Variants in DPYSL2 observed in about 807,000 individuals in gnomAD.
DPYSL2 encodes dihydropyrimidinase like 2.
DPYSL2 carries 13 observed loss-of-function variants against 69.9 expected under a neutral mutation model. That is an observed-to-expected ratio of 0.19 (90% CI 0.12 to 0.30). The LOEUF (loss-of-function observed/expected upper bound fraction) is 0.30. Among genes scored for constraint, DPYSL2 ranks in the 10% least tolerant of loss-of-function variants. The pLI, the probability that DPYSL2 is intolerant of heterozygous loss-of-function variation, is 1.00. For synonymous variants in DPYSL2, 326 were observed against 359.1 expected, an observed-to-expected ratio of 0.91 and a Z score of 1.04; for missense variants, 587 against 918.9, an observed-to-expected ratio of 0.64 and a Z score of 4.67.
chr8:26,631,513 G>A (rs892395714), intron 7 of DPYSL2, among the ~76,000 whole-genome samples: 10 of 152,198 alleles, frequency 6.6e-5, no homozygotes, highest in African/African-American at 2.2e-4. Flanking sequence ...TGAGATTTGG[G>A]TGGGGACACA....
chr8:26,631,352 G>A (rs956531218), intron 7 of DPYSL2, among the ~76,000 whole-genome samples: 4 of 152,176 alleles, frequency 2.6e-5, no homozygotes, highest in Admixed American at 6.5e-5. Flanking sequence ...GCAAGAGAGC[G>A]AGTGAGCAGA....
At chr8:26,615,171 A>G (rs558445637) in intron 3 of DPYSL2, among the ~76,000 whole-genome samples, 1 of 152,220 alleles carries the variant, frequency 6.6e-6, no homozygotes, top group South Asian at 2.1e-4. Flanking sequence ...TCAGCTGAAA[A>G]CTAGGGCCAA....
intron 1 of DPYSL2, among the ~76,000 whole-genome samples, chr8:26,566,850 G>T (rs993504995): frequency 1.3e-5 from 2 of 152,054 alleles, no homozygotes; most frequent in East Asian, 3.9e-4. Flanking sequence ...TTGTGCACCC[G>T]CCTACCCACC....
At chr8:26,530,819 T>C (rs1175151132) in intron 1 of DPYSL2, among the ~76,000 whole-genome samples, 2 of 152,202 alleles carry the variant, frequency 1.3e-5, no homozygotes. Context: ...CTATTTCTTT[T>C]AGATCTGCTA....
chr8:26,576,230 G>A (rs141612252), intron 1 of DPYSL2, among the ~76,000 whole-genome samples: 12 of 152,302 alleles, frequency 7.9e-5, no homozygotes, highest in Non-Finnish European at 1.3e-4. Flanking sequence ...AGTCTGGAAG[G>A]ACAGACATTC....
At position 26,565,114 on chromosome 8, in the gene DPYSL2, CA is replaced by C. The variant is rs754191580; in HGVS notation, c.355-16854del. ...CAAAAGATATTATATCATTCTTTAT[CA>C]TTCTGTTTTATGGCTGAGTAGTATT... On this transcript the variant is annotated intron_variant, in intron 1 of 13. Transcript: ENST00000521913. The surrounding 1 kb of genome is among the most constrained non-coding windows in gnomAD (Gnocchi z 4.1). Among the ~76,000 whole-genome samples the C allele has an allele frequency of 5.6e-4, 86 of 152,280 alleles. 1 individual carries two copies. The highest frequency in any genetic ancestry group is 2.0e-4 in the Admixed American group (3 of 15,300).
At chr8:26,536,183 T>C (rs2117617621) in intron 1 of DPYSL2, among the ~76,000 whole-genome samples, 1 of 150,238 alleles carries the variant, frequency 6.7e-6, no homozygotes, top group South Asian at 2.1e-4. Flanking sequence ...CAAGTAATCC[T>C]CCTGCCTCGA....
At chr8:26,596,664 A>G (rs1229616447) in intron 3 of DPYSL2, among the ~76,000 whole-genome samples, 2 of 152,244 alleles carry the variant, frequency 1.3e-5, no homozygotes, top group Admixed American at 1.3e-4. Flanking sequence ...TCAACCCCGA[A>G]GATAGATAGG....
intron 1 of DPYSL2, among the ~76,000 whole-genome samples, chr8:26,530,182 T>G (rs1585491606): frequency 7.0e-6 from 1 of 142,654 alleles, no homozygotes; most frequent in East Asian, 2.1e-4. Flanking sequence ...AACCAACAAC[T>G]ATCATCTACA....
In DPYSL2 at chr8:26,654,328, A is replaced by G. The variant is rs1220856497; in HGVS notation, c.1942+931A>G. Among the ~76,000 whole-genome samples, 1 of 152,016 alleles carries G rather than the reference A, an allele frequency of 6.6e-6. No homozygotes were observed. Among genetic ancestry groups the G allele is most frequent in the Non-Finnish European group, 1.5e-5 (1 of 68,014 alleles). ...TTTCCTTGCTTGAAACTTCTTTCCC[A>G]TCTTTCATTTGTCCCATGACTAGAA... On this transcript the variant is annotated intron_variant, in intron 13 of 13. Coordinates refer to ENST00000521913, the MANE Select transcript of DPYSL2 (RefSeq NM_001197293.3). The surrounding 1 kb of genome is among the most constrained non-coding windows in gnomAD (Gnocchi z 5.0).
intron 7 of DPYSL2, among the ~76,000 whole-genome samples, chr8:26,633,372 C>T (rs1437642999): frequency 6.6e-6 from 1 of 152,192 alleles, no homozygotes; most frequent in East Asian, 1.9e-4. Context: ...ATTGGTGATT[C>T]CTCTGTAGGA....
intron 1 of DPYSL2, among the ~76,000 whole-genome samples, chr8:26,581,251 A>G (rs139793196): frequency 1.8e-3 from 270 of 152,318 alleles, no homozygotes; most frequent in African/African-American, 5.9e-3. Context: ...CTTTTTGGTC[A>G]ATTGTGCTTG....
At chr8:26,566,445 C>G (rs1801149403) in intron 1 of DPYSL2, among the ~76,000 whole-genome samples, 1 of 152,204 alleles carries the variant, frequency 6.6e-6, no homozygotes, top group African/African-American at 2.4e-5. Flanking sequence ...ATACCTAATA[C>G]TAACTCTTGG....
Position 26,611,947 on chromosome 8 carries a change from G to A in DPYSL2, c.629-12196G>A, listed in dbSNP as rs1419113061. Among the ~76,000 whole-genome samples, 6 of 152,216 alleles carry A rather than the reference G, an allele frequency of 3.9e-5. No homozygotes were observed. The South Asian group carries it at 8.3e-4, about 21-fold the overall frequency. On this transcript the variant is annotated intron_variant, in intron 3 of 13. Coordinates refer to ENST00000521913, the MANE Select transcript of DPYSL2 (RefSeq NM_001197293.3). The stretch of plus-strand genomic sequence containing the variant: ...AACAAGGCAGCCTGGGCTGGGAATC[G>A]CTTAGGCCTCAGGTTGATGAAGCTG...
In DPYSL2 at chr8:26,643,647, G is replaced by T; in HGVS notation, c.1283+52G>T. 1.9e-6 allele frequency: 3 copies of T among 1,613,218 alleles called. No homozygotes were observed. Among genetic ancestry groups the T allele is most frequent in the Non-Finnish European group, 2.5e-6 (3 of 1,179,398 alleles). On this transcript the variant is annotated intron_variant, in intron 9 of 13. Coordinates refer to ENST00000521913, the MANE Select transcript of DPYSL2 (RefSeq NM_001197293.3). The surrounding 1 kb of genome is among the most constrained non-coding windows in gnomAD (Gnocchi z 6.5). ...TCACATTCTGTCTTTCTTCAGACCA[G>T]ACTGACCTGTTAGGCGAAAACAACA... is the stretch of plus-strand genomic sequence containing the variant.
chr8:26,577,456 C>T (rs1015341922), intron 1 of DPYSL2: 3 of 149,230 alleles, frequency 2.0e-5, no homozygotes, highest in African/African-American at 7.3e-5. Flanking sequence ...GTCGCGCGCT[C>T]GCCGCCAGCG....
chr8:26,583,650 T>C lies in DPYSL2; in HGVS notation c.444-149T>C, dbSNP rs147991513. The C allele has an allele frequency of 5.4e-4, 380 of 704,046 alleles. 5 individuals carry two copies. The East Asian group carries it at 0.01, about 19-fold the overall frequency. 43.6% of individuals were successfully genotyped at this position (704,046 alleles called of 1,614,324 possible). ...TGCCTCTTGCTGGGGGGTAGGAGTA[T>C]ATAGTGTTTTATTATGAATCGTAAC... On this transcript the variant is annotated intron_variant, in intron 2 of 13. Coordinates refer to ENST00000521913, the MANE Select transcript of DPYSL2 (RefSeq NM_001197293.3).
intron 1 of DPYSL2, among the ~76,000 whole-genome samples, chr8:26,535,017 T>C (rs1800569180): frequency 6.6e-6 from 1 of 152,212 alleles, no homozygotes; most frequent in Admixed American, 6.5e-5. Context: ...GTCTACATCA[T>C]TATGTGTCTT....
chr8:26,634,154 G>C (rs1434495057), intron 7 of DPYSL2, among the ~76,000 whole-genome samples: 1 of 152,254 alleles, frequency 6.6e-6, no homozygotes, highest in Non-Finnish European at 1.5e-5. Flanking sequence ...TCTAGCCTGT[G>C]AGTTTCTAGT....
Sources: gnomAD v4.1 joint callset for allele counts (sites outside exome capture counted in the v4.1 genomes callset) on GRCh38, gnomAD v4.1.1 for gene constraint, Gnocchi (gnomAD v3.1) non-coding constraint, MANE v1.5 for transcripts, NCBI Gene and HGNC (gene_info 2026-07-23, HGNC 2026-07-21) for gene names.